Variants in EXD3 observed in about 807,000 individuals in gnomAD.
EXD3 encodes the protein exonuclease mut-7 homolog.
Under a neutral mutation model 98.0 loss-of-function variants are expected in EXD3, and 92 were observed. That is an observed-to-expected ratio of 0.94 (90% CI 0.79 to 1.12). The LOEUF (loss-of-function observed/expected upper bound fraction) is 1.12, where lower values mean the gene tolerates loss of function less well. Among genes scored for constraint, EXD3 ranks in the 50% most tolerant of loss-of-function variants. EXD3 has a pLI of 0.00. For missense variants in EXD3, 1,222 were observed against 1,191.6 expected (o/e 1.03, Z -0.38); for synonymous variants, 569 against 526.0 (o/e 1.08, Z -1.12).
chr9:137,372,843 C>A (rs771774917), intron 5 of EXD3, 62 bp downstream of exon 5: 1 of 1,548,654 alleles, frequency 6.5e-7, no homozygotes, highest in African/African-American at 1.3e-5. Context: ...GAGCCAGGCG[C>A]GTCCTTGCCC....
chr9:137,416,935 C>T (rs886076418), intron 1 of EXD3, among the ~76,000 whole-genome samples: 11 of 152,210 alleles, frequency 7.2e-5, no homozygotes, highest in African/African-American at 2.7e-4. Flanking sequence ...CAGGAAGCCC[C>T]GACACCTCCC....
intron 21 of EXD3, 88 bp downstream of exon 21, chr9:137,307,520 G>A (rs998304775): frequency 9.8e-6 from 15 of 1,528,538 alleles, no homozygotes; most frequent in Middle Eastern, 4.5e-4. Context: ...CTGCCCGGCC[G>A]GGACCCAAGT....
At chr9:137,412,949 G>A (rs1456574458) in intron 1 of EXD3, among the ~76,000 whole-genome samples, 1 of 151,660 alleles carries the variant, frequency 6.6e-6, no homozygotes, top group Admixed American at 6.6e-5. Flanking sequence ...GATAATTTTG[G>A]GAGGGGTATT....
chr9:137,387,516 G>A (rs1290249516), intron 2 of EXD3, among the ~76,000 whole-genome samples: 2 of 152,138 alleles, frequency 1.3e-5, no homozygotes, highest in Non-Finnish European at 2.9e-5. Context: ...AAGAAAAACA[G>A]GATGTCCAGG....
At chr9:137,374,596 C>T (rs1044917477) in intron 3 of EXD3, 10 of 985,368 alleles carry the variant, frequency 1.0e-5, no homozygotes, top group Non-Finnish European at 1.2e-5. Context: ...CAGGAACAGC[C>T]GTGGAGCACA....
chr9:137,422,660 T>C (rs1838589661), intron 1 of EXD3, among the ~76,000 whole-genome samples: 1 of 152,186 alleles, frequency 6.6e-6, no homozygotes, highest in Admixed American at 6.5e-5. Flanking sequence ...TGACAACTAA[T>C]ACAGGACTCA....
At chr9:137,340,426 G>A (rs1263277651) in intron 17 of EXD3, among the ~76,000 whole-genome samples, 1 of 151,864 alleles carries the variant, frequency 6.6e-6, no homozygotes, top group African/African-American at 2.4e-5. Flanking sequence ...GCAGTGAGCC[G>A]AGATCACATC....
At chr9:137,364,888 C>T (rs1456572184) in intron 7 of EXD3, among the ~76,000 whole-genome samples, 1 of 150,942 alleles carries the variant, frequency 6.6e-6, no homozygotes, top group Non-Finnish European at 1.5e-5. Context: ...CCTGCTTCAG[C>T]CTCCCGAGTA....
intron 1 of EXD3, among the ~76,000 whole-genome samples, chr9:137,396,362 T>C (rs888558867): frequency 5.9e-5 from 9 of 152,232 alleles, no homozygotes; most frequent in African/African-American, 2.2e-4. Context: ...AAAAAGGCTT[T>C]CTCTGAGTGC....
At position 137,415,044 on chromosome 9, in the gene EXD3, C is replaced by T. The variant is rs980910358; in HGVS notation, c.-48+8070G>A. Among the ~76,000 whole-genome samples the T allele has an allele frequency of 4.6e-5, 7 of 151,796 alleles. No individual in the cohort carries two copies. The South Asian group carries it at 6.3e-4, about 14-fold the overall frequency. ...CTGGGATTACAGGTGCCTGCCACCA[C>T]GCCCAGCTAATTTTTGTATTTTTAG... On this transcript the variant is annotated intron_variant, in intron 1 of 21. Coordinates refer to ENST00000340951, the MANE Select transcript of EXD3 (RefSeq NM_017820.5).
rs1314178108 is a variant in EXD3 at position 137,407,846 on chromosome 9, G to GGCGGGAA, written c.-47-12443_-47-12442insTTCCCGC. On this transcript the variant is annotated intron_variant, in intron 1 of 21. Transcript: ENST00000340951. The surrounding 1 kb of genome is among the most constrained non-coding windows in gnomAD (Gnocchi z 4.4). Reference sequence around the variant, plus strand: ...CACACGCGGGAGGCGGGAGGCGGGAGGGGCACAGCAAAGGGTCTGGGGGGA... The same window carrying GGCGGGAA: ...CACACGCGGGAGGCGGGAGGCGGGAGGCGGGAAGGGCACAGCAAAGGGTCTGGGGGGA... Among the ~76,000 whole-genome samples, 1 of 151,754 alleles carries GGCGGGAA rather than the reference G, an allele frequency of 6.6e-6. No homozygotes were observed. The highest frequency in any genetic ancestry group is 1.5e-5 in the Non-Finnish European group (1 of 67,874).
At chr9:137,341,738 C>T (rs1833665469) in intron 17 of EXD3, among the ~76,000 whole-genome samples, 1 of 26,230 alleles carries the variant, frequency 3.8e-5, no homozygotes, top group Admixed American at 3.3e-4. Context: ...CACCAGGAGC[C>T]GTCTCCCAGG....
intron 17 of EXD3, chr9:137,343,606 T>TTTTTTTA (rs1833765108): frequency 7.4e-6 from 1 of 134,340 alleles, no homozygotes. Context: ...TTTTTTTTTT[T>TTTTTTTA]GAGACGGAGT....
At chr9:137,382,999 G>A (rs911069795) in intron 3 of EXD3, among the ~76,000 whole-genome samples, 13 of 152,224 alleles carry the variant, frequency 8.5e-5, no homozygotes, top group African/African-American at 3.1e-4. Flanking sequence ...GCAGGACGGG[G>A]CCTCAGGCCT....
rs1371472287 is a variant in EXD3 at position 137,405,587 on chromosome 9, G to A, written c.-47-10183C>T. Among the ~76,000 whole-genome samples, 1 of 152,250 alleles carries A rather than the reference G, an allele frequency of 6.6e-6. No individual in the cohort carries two copies. The highest frequency in any genetic ancestry group is 1.5e-5 in the Non-Finnish European group (1 of 68,036). Reference sequence around the variant, plus strand: ...AGAAATGCCAGGCTCTGGGCTGAGAGGCAGAAGGCTCAGGCACAGCTCCCA... The same window carrying A: ...AGAAATGCCAGGCTCTGGGCTGAGAAGCAGAAGGCTCAGGCACAGCTCCCA... On this transcript the variant is annotated intron_variant, in intron 1 of 21. Transcript: ENST00000340951. The surrounding 1 kb of genome is among the most constrained non-coding windows in gnomAD (Gnocchi z 4.1).
intron 2 of EXD3, among the ~76,000 whole-genome samples, chr9:137,388,860 G>A (rs928537300): frequency 2.0e-5 from 3 of 152,178 alleles, no homozygotes; most frequent in Non-Finnish European, 2.9e-5. Context: ...GACCCCACGC[G>A]CTGTGGTGAC....
intron 1 of EXD3, among the ~76,000 whole-genome samples, chr9:137,415,192 A>G (rs1204456940): frequency 7.0e-6 from 1 of 143,104 alleles, no homozygotes; most frequent in Non-Finnish European, 1.5e-5. Context: ...TGGGCCTGTC[A>G]CAGGTTTGTT....
intron 8 of EXD3, among the ~76,000 whole-genome samples, chr9:137,355,492 T>TGGAGGAAGGAGAAAG (rs1834622934): frequency 6.5e-5 from 2 of 30,776 alleles, no homozygotes; most frequent in African/African-American, 2.4e-4. Context: ...GGAAGGAGGA[T>TGGAGGAAGGAGAAAG]GGAGGAAGGA....
intron 19 of EXD3, among the ~76,000 whole-genome samples, chr9:137,319,398 C>T (rs1019017263): frequency 6.6e-6 from 1 of 152,190 alleles, no homozygotes; most frequent in Non-Finnish European, 1.5e-5. Flanking sequence ...CTCTCTTCAC[C>T]TCTGGGGTAG....
Sources: allele counts gnomAD v4.1 joint callset (sites outside exome capture counted in the v4.1 genomes callset), GRCh38; gene constraint gnomAD v4.1.1; non-coding constraint Gnocchi (gnomAD v3.1); transcripts MANE v1.5; gene names NCBI Gene and HGNC (gene_info 2026-07-23, HGNC 2026-07-21).